TBC1D22B: variants seen among roughly 807,000 people sequenced by gnomAD.
TBC1D22B encodes the protein TBC1 domain family member 22B.
Under a neutral mutation model 69.1 loss-of-function variants are expected in TBC1D22B, and 32 were observed. The observed-to-expected ratio is 0.46, with a 90% CI of 0.35 to 0.62. TBC1D22B has a LOEUF of 0.62. Among genes scored for constraint, TBC1D22B ranks in the 20% least tolerant of loss-of-function variants. The probability of loss-of-function intolerance (pLI) is 0.00; values close to 1 mark genes in which losing one functional copy is unlikely to be tolerated. For missense variants in TBC1D22B, 462 were observed against 630.9 expected, an observed-to-expected ratio of 0.73 and a Z score of 2.87; for synonymous variants, 206 against 229.8, an observed-to-expected ratio of 0.90 and a Z score of 0.94.
chr6:37,291,497 C>G, intron 8 of TBC1D22B, 140 bp downstream of exon 8: 1 of 570,748 alleles, frequency 1.8e-6, no homozygotes, highest in East Asian at 3.2e-5. Flanking sequence ...ACAGCTAAAA[C>G]TACTTTTAAC....
intron 9 of TBC1D22B, among the ~76,000 whole-genome samples, chr6:37,313,594 T>C (rs1434214039): frequency 6.6e-6 from 1 of 152,222 alleles, no homozygotes; most frequent in Non-Finnish European, 1.5e-5. Flanking sequence ...TCCTTTCTGC[T>C]CTGTACCCCA....
At chr6:37,307,376 A>G (rs2113773933) in intron 8 of TBC1D22B, among the ~76,000 whole-genome samples, 1 of 147,462 alleles carries the variant, frequency 6.8e-6, no homozygotes, top group African/African-American at 2.5e-5. Flanking sequence ...TTTTTGAGAC[A>G]GAGTCTTCTC....
At chr6:37,280,726 G>A (rs1766798547) in intron 3 of TBC1D22B, among the ~76,000 whole-genome samples, 1 of 152,250 alleles carries the variant, frequency 6.6e-6, no homozygotes, top group Non-Finnish European at 1.5e-5. Flanking sequence ...GCCGGCATCT[G>A]TCTGTAAATA....
chr6:37,315,861 C>T (rs1197103441), intron 10 of TBC1D22B, among the ~76,000 whole-genome samples: 1 of 152,186 alleles, frequency 6.6e-6, no homozygotes, highest in Non-Finnish European at 1.5e-5. Context: ...AGGTGTGAGC[C>T]ACAGCACCTG....
intron 8 of TBC1D22B, among the ~76,000 whole-genome samples, chr6:37,297,092 G>T (rs1037552167): frequency 1.3e-5 from 2 of 152,138 alleles, no homozygotes; most frequent in Non-Finnish European, 2.9e-5. Flanking sequence ...CTCCTAAAGT[G>T]CTGGGATTAC....
chr6:37,261,922 GA>G (rs1372993441), intron 1 of TBC1D22B, among the ~76,000 whole-genome samples: 2 of 143,732 alleles, frequency 1.4e-5, no homozygotes, highest in African/African-American at 5.1e-5. Flanking sequence ...ACCTATGGGG[GA>G]AAAATAAAAA....
At chr6:37,282,576 A>G (rs183256680) in intron 4 of TBC1D22B, among the ~76,000 whole-genome samples, 1 of 152,226 alleles carries the variant, frequency 6.6e-6, no homozygotes, top group African/African-American at 2.4e-5. Flanking sequence ...TGGCCTGTAG[A>G]CCCTAGTGCA....
At chr6:37,303,582 T>G (rs528880391) in intron 8 of TBC1D22B, among the ~76,000 whole-genome samples, 1 of 152,226 alleles carries the variant, frequency 6.6e-6, no homozygotes, top group Admixed American at 6.5e-5. Flanking sequence ...CCCACAGAAC[T>G]CCTCTGACAA....
At position 37,284,334 on chromosome 6, in the gene TBC1D22B, AG is replaced by A; in HGVS notation, c.674del. 6.2e-7 allele frequency: 1 copy of A among 1,614,146 alleles called. No homozygotes were observed. The highest frequency in any genetic ancestry group is 8.5e-7 in the Non-Finnish European group (1 of 1,179,990). On this transcript the variant is annotated splice_acceptor_variant, in intron 5 of 12. Coordinates refer to ENST00000373491, the MANE Select transcript of TBC1D22B (RefSeq NM_017772.4). LOFTEE classifies it high-confidence loss of function. The stretch of plus-strand genomic sequence containing the variant: ...CCATCTGACCAGCAGTCTTGTCTAT[AG>A]GGCTATCTCCCAGCAAACACTGAGA...
At chr6:37,307,166 C>T (rs898354623) in intron 8 of TBC1D22B, among the ~76,000 whole-genome samples, 13 of 152,138 alleles carry the variant, frequency 8.5e-5, no homozygotes, top group Admixed American at 3.3e-4. Context: ...TTATATATAG[C>T]GCTTGAACCA....
chr6:37,272,514 A>G (rs1766522333), intron 2 of TBC1D22B, among the ~76,000 whole-genome samples: 1 of 151,788 alleles, frequency 6.6e-6, no homozygotes, highest in Non-Finnish European at 1.5e-5. Flanking sequence ...TTCACCCCAC[A>G]GTGGCTGGGA....
chr6:37,293,180 C>T (rs1040850600), intron 8 of TBC1D22B, among the ~76,000 whole-genome samples: 5 of 151,644 alleles, frequency 3.3e-5, no homozygotes, highest in African/African-American at 4.9e-5. Flanking sequence ...CGGGTTCAAG[C>T]GATTCTTGTG....
Position 37,279,560 on chromosome 6 carries a change from A to C in TBC1D22B, c.370A>C (p.Asn124His). The C allele has an allele frequency of 4.3e-6, 7 of 1,614,232 alleles. No individual in the cohort carries two copies. The highest frequency in any genetic ancestry group is 5.9e-6 in the Non-Finnish European group (7 of 1,180,028). ...SQSTTSDVPA[N>H]YKVIKSSSDA... ...GTCAACGACATCGGACGTCCCTGCCAACTACAAGGTCATAAAGTCCAGCAG... is the reference window on the plus strand; with the variant it reads ...GTCAACGACATCGGACGTCCCTGCCCACTACAAGGTCATAAAGTCCAGCAG... Residue 124 changes from asparagine (N) to histidine (H), a missense_variant, in exon 3 of 13, where the codon AAC (asparagine) becomes CAC (histidine). Asn to His is a moderately conservative substitution (Grantham distance 68). Around this residue, in one of 2 missense-constraint regions of TBC1D22B, gnomAD observed 237 missense variants for 255.4 expected, o/e 0.93. Coordinates refer to ENST00000373491, the MANE Select transcript of TBC1D22B (RefSeq NM_017772.4).
At chr6:37,321,318 C>T (rs977747547) in intron 12 of TBC1D22B, among the ~76,000 whole-genome samples, 4 of 152,082 alleles carry the variant, frequency 2.6e-5, no homozygotes, top group African/African-American at 9.7e-5. Context: ...CAGATGCTTC[C>T]TGGAGCTCTT....
In TBC1D22B at chr6:37,305,027, G is replaced by T. The variant is rs187675176; in HGVS notation, c.983-7891G>T. Among the ~76,000 whole-genome samples, 149 of 152,304 alleles carry T rather than the reference G, an allele frequency of 9.8e-4. 1 individual carries two copies. The highest frequency in any genetic ancestry group is 3.5e-3 in the African/African-American group (146 of 41,572). The stretch of plus-strand genomic sequence containing the variant: ...AGCCCTGAAGGAGGTAAGGGAGGGA[G>T]CTGTGCAGTTAATTTTTGATAGTCA... On this transcript the variant is annotated intron_variant, in intron 8 of 12. Coordinates refer to ENST00000373491, the MANE Select transcript of TBC1D22B (RefSeq NM_017772.4).
At chr6:37,267,577 ATATT>A (rs1766349099) in intron 1 of TBC1D22B, among the ~76,000 whole-genome samples, 1 of 145,588 alleles carries the variant, frequency 6.9e-6, no homozygotes, top group African/African-American at 2.5e-5. Context: ...ACACATATAT[ATATT>A]CTGATAATTT....
chr6:37,301,414 T>C (rs1767568987), intron 8 of TBC1D22B, among the ~76,000 whole-genome samples: 1 of 152,222 alleles, frequency 6.6e-6, no homozygotes, highest in Non-Finnish European at 1.5e-5. Context: ...CCATCCCGTG[T>C]ATCCCTGGGC....
chr6:37,263,475 G>A (rs997647612), intron 1 of TBC1D22B, among the ~76,000 whole-genome samples: 9 of 152,246 alleles, frequency 5.9e-5, no homozygotes, highest in African/African-American at 2.2e-4. Context: ...AAAAACAGAT[G>A]GGAGGAGTTC....
chr6:37,303,888 G>A (rs113064734), intron 8 of TBC1D22B, among the ~76,000 whole-genome samples: 9 of 152,198 alleles, frequency 5.9e-5, no homozygotes, highest in African/African-American at 2.2e-4. Flanking sequence ...ACTTTACCTC[G>A]CTAGTTGTTT....
Sources: allele counts gnomAD v4.1 joint callset (sites outside exome capture counted in the v4.1 genomes callset), GRCh38; gene constraint gnomAD v4.1.1; regional missense constraint gnomAD v4.1.1; transcripts MANE v1.5; gene names NCBI Gene and HGNC (gene_info 2026-07-23, HGNC 2026-07-21).